The following PIK3R1 variants were observed in gnomAD, a reference collection of about 807,000 sequenced individuals.
PIK3R1 encodes phosphatidylinositol 3-kinase regulatory subunit alpha.
In PIK3R1, 29 loss-of-function variants were observed where a neutral mutation model predicts 98.0. The ratio of observed to expected loss-of-function variants is 0.30; its 90% CI spans 0.22 to 0.40. The LOEUF (loss-of-function observed/expected upper bound fraction) is 0.40, where lower values mean the gene tolerates loss of function less well. Ranked by LOEUF, PIK3R1 falls within the 10% of genes least tolerant of loss-of-function variation. The probability of loss-of-function intolerance (pLI) is 1.00; values close to 1 mark genes in which losing one functional copy is unlikely to be tolerated. For missense variants in PIK3R1, 596 were observed against 872.7 expected, an observed-to-expected ratio of 0.68 and a Z score of 3.99; for synonymous variants, 282 against 311.8, an observed-to-expected ratio of 0.90 and a Z score of 1.01.
At position 68,297,618 on chromosome 5, in the gene PIK3R1, T is replaced by A. The variant is rs755649316; in HGVS notation, c.*17T>A. On this transcript the variant is annotated 3_prime_UTR_variant, in exon 16 of 16. Coordinates refer to ENST00000521381, the MANE Select transcript of PIK3R1 (RefSeq NM_181523.3). ...AGGCGATGAAGCGCTTACTCTTTGATCCTTCTCCTGAAGTTCAGCCACCCT... is the reference window on the plus strand; with the variant it reads ...AGGCGATGAAGCGCTTACTCTTTGAACCTTCTCCTGAAGTTCAGCCACCCT... 7 of 1,609,980 alleles carry A rather than the reference T, an allele frequency of 4.3e-6. No individual in the cohort carries two copies.
intron 1 of PIK3R1, chr5:68,217,651 T>TGTGCGC (rs1554044237): frequency 6.9e-6 from 1 of 144,182 alleles, no homozygotes; most frequent in Non-Finnish European, 1.5e-5. Flanking sequence ...TGTGTGTGTG[T>TGTGCGC]GTGCGCGCGC....
At chr5:68,288,489 C>G (rs1027951862) in intron 7 of PIK3R1, 1 of 1,311,852 alleles carries the variant, frequency 7.6e-7, no homozygotes, top group African/African-American at 1.6e-5. Flanking sequence ...GACGCACTGC[C>G]GGGCGGGGCG....
rs184666887 is a variant in PIK3R1, at chr5:68,240,119, T to C, written c.334+13110T>C. The stretch of plus-strand genomic sequence containing the variant: ...TATATATTACTTATATATAAATGTT[T>C]ATGTATAAATATATATTTGTATATA... On this transcript the variant is annotated intron_variant, in intron 2 of 15. Coordinates refer to ENST00000521381, the MANE Select transcript of PIK3R1 (RefSeq NM_181523.3). Among the ~76,000 whole-genome samples, 359 of 149,780 alleles carry C rather than the reference T, an allele frequency of 2.4e-3. 4 individuals carry two copies. The highest frequency in any genetic ancestry group is 8.4e-3 in the African/African-American group (345 of 41,102).
chr5:68,262,386 T>TATATATATATA (rs576101819), intron 2 of PIK3R1, among the ~76,000 whole-genome samples: 53 of 138,548 alleles, frequency 3.8e-4, no homozygotes, highest in African/African-American at 1.4e-3. Flanking sequence ...TCTATAATTT[T>TATATATATATA]TATATATATA....
rs867348169 is a variant in PIK3R1, at chr5:68,233,710, T to C, written c.334+6701T>C. ...AATTAAAAACAAAACATGGTATACA[T>C]TGTTATATAATGGATAACATAGTGT... is the stretch of plus-strand genomic sequence containing the variant. On this transcript the variant is annotated intron_variant, in intron 2 of 15. Coordinates refer to ENST00000521381, the MANE Select transcript of PIK3R1 (RefSeq NM_181523.3). Among the ~76,000 whole-genome samples, 4 of 152,360 alleles carry C rather than the reference T, an allele frequency of 2.6e-5. No individual in the cohort carries two copies. In the Middle Eastern group the frequency reaches 0.014, roughly 518 times the overall value.
Position 68,253,002 on chromosome 5 carries a change from GTCTGGCTTAGGTAAT to G in PIK3R1, c.335-20385_335-20371del, listed in dbSNP as rs373885134. 9.1e-3 allele frequency among the ~76,000 whole-genome samples: 1,381 copies of G among 152,072 alleles called. 14 individuals carry two copies. The highest frequency in any genetic ancestry group is 0.017 in the Middle Eastern group (5 of 294). On this transcript the variant is annotated intron_variant, in intron 2 of 15. Coordinates refer to ENST00000521381, the MANE Select transcript of PIK3R1 (RefSeq NM_181523.3). ...ACTTGACAGGAAAAATTGACTTTAT[GTCTGGCTTAGGTAAT>G]TCAGGGCAAGTGTGCATTTATTTAC...
chr5:68,261,502 T>TA (rs1745745702), intron 2 of PIK3R1, among the ~76,000 whole-genome samples: 1 of 151,968 alleles, frequency 6.6e-6, no homozygotes. Context: ...CAATACTCTT[T>TA]TAAAAAAAAA....
chr5:68,243,696 C>T (rs1026788658), intron 2 of PIK3R1, among the ~76,000 whole-genome samples: 1 of 152,330 alleles, frequency 6.6e-6, no homozygotes, highest in Non-Finnish European at 1.5e-5. Context: ...AAGACTAGCT[C>T]CCAGCCCAGG....
rs1396834582 is a variant in PIK3R1, at chr5:68,241,659, C to T, written c.334+14650C>T. 4.6e-5 allele frequency among the ~76,000 whole-genome samples: 7 copies of T among 152,172 alleles called. No individual in the cohort carries two copies. The East Asian group carries it at 7.7e-4, about 17-fold the overall frequency. ...AGGCTTAGAAAGAAAAAGAAACTTGCCCAGAGTCCAACACTAGTAGCTGGT... is the reference window on the plus strand; with the variant it reads ...AGGCTTAGAAAGAAAAAGAAACTTGTCCAGAGTCCAACACTAGTAGCTGGT... On this transcript the variant is annotated intron_variant, in intron 2 of 15. Transcript: ENST00000521381.
chr5:68,270,338 G>C (rs1345032608), intron 2 of PIK3R1, among the ~76,000 whole-genome samples: 1 of 152,144 alleles, frequency 6.6e-6, no homozygotes, highest in Non-Finnish European at 1.5e-5. Context: ...AAATCCTTTT[G>C]TATGGAGCAT....
At position 68,301,513 on chromosome 5, in the gene PIK3R1, TAAA is replaced by T; in HGVS notation, c.*3917_*3919del. 6.7e-6 allele frequency: 1 copy of T among 148,954 alleles called. No homozygotes were observed. Among genetic ancestry groups the T allele is most frequent in the Non-Finnish European group, 1.4e-5 (1 of 69,088 alleles). The allele number at this position is 148,954 out of a possible 1,614,324, so 9.2% of individuals were successfully genotyped here. On this transcript the variant is annotated 3_prime_UTR_variant, in exon 16 of 16. Coordinates refer to ENST00000521381, the MANE Select transcript of PIK3R1 (RefSeq NM_181523.3). ...ATATATGCACATATATATATGTATT[TAAA>T]AAAATCAAAACAAAAAAAAACTCAT...
intron 2 of PIK3R1, among the ~76,000 whole-genome samples, chr5:68,237,234 A>G (rs954108740): frequency 1.3e-5 from 2 of 152,244 alleles, no homozygotes; most frequent in Admixed American, 6.5e-5. Context: ...CATAAAAACA[A>G]GAAACCTGAA....
intron 2 of PIK3R1, among the ~76,000 whole-genome samples, chr5:68,252,610 A>C (rs536887517): frequency 9.8e-5 from 15 of 152,350 alleles, no homozygotes; most frequent in African/African-American, 3.1e-4. Context: ...AGTTATTAGA[A>C]GTTCTAATTT....
At chr5:68,245,767 C>T (rs896366211) in intron 2 of PIK3R1, among the ~76,000 whole-genome samples, 1 of 152,248 alleles carries the variant, frequency 6.6e-6, no homozygotes, top group East Asian at 1.9e-4. Flanking sequence ...AATTGTTTAG[C>T]CACAGAAAAT....
intron 2 of PIK3R1, among the ~76,000 whole-genome samples, chr5:68,253,675 TATTA>T (rs1745402170): frequency 6.6e-6 from 1 of 152,192 alleles, no homozygotes; most frequent in Non-Finnish European, 1.5e-5. Flanking sequence ...CAACATGAGC[TATTA>T]ATTAAAAACA....
rs1748023377 is a variant in PIK3R1 at position 68,301,205 on chromosome 5, T to C, written c.*3604T>C. 9.1e-6 allele frequency: 2 copies of C among 219,374 alleles called. No individual in the cohort carries two copies. The highest frequency in any genetic ancestry group is 1.3e-4 in the East Asian group (2 of 14,880). 13.6% of individuals were successfully genotyped at this position (219,374 alleles called of 1,614,324 possible). On this transcript the variant is annotated 3_prime_UTR_variant, in exon 16 of 16. Coordinates refer to ENST00000521381, the MANE Select transcript of PIK3R1 (RefSeq NM_181523.3). ...GACAAAGTTCCAAAATGCCAAATTC[T>C]TATTTTTTAAAAAGCTAGTTCTATA...
Position 68,293,759 on chromosome 5 carries a change from T to A in PIK3R1, c.1350T>A (p.His450Gln). The A allele has an allele frequency of 6.5e-7, 1 of 1,537,294 alleles. No homozygotes were observed. The highest frequency in any genetic ancestry group is 8.9e-7 in the Non-Finnish European group (1 of 1,119,358). The change falls in exon 11 of 16, where the codon CAT (histidine) becomes CAA (glutamine). Residue 450 changes from histidine to glutamine, a missense_variant. Physicochemically the swap from His to Gln is conservative, Grantham distance 24. Around this residue, in one of 3 missense-constraint regions of PIK3R1, gnomAD observed 207 missense variants for 361.4 expected, o/e 0.57. Coordinates refer to ENST00000521381, the MANE Select transcript of PIK3R1 (RefSeq NM_181523.3). ...DNIEAVGKKLHEYNTQFQEKS... is the reference protein window; with the variant it reads ...DNIEAVGKKLQEYNTQFQEKS... ...TTGAAGCTGTAGGGAAAAAATTACATGAATATAACACTCAGTTTCAAGAAA... is the reference window on the plus strand; with the variant it reads ...TTGAAGCTGTAGGGAAAAAATTACAAGAATATAACACTCAGTTTCAAGAAA...
rs559794752 is a variant in PIK3R1 at position 68,292,864 on chromosome 5, A to C, written c.1020-237A>C. On this transcript the variant is annotated intron_variant, in intron 8 of 15. Transcript: ENST00000521381. ...AAGTGATATGCACCTGTTTGTGATG[A>C]GACTGCAATTGCTAACATTTCTATT... 4.0e-6 allele frequency: 3 copies of C among 743,592 alleles called. No homozygotes were observed. In the African/African-American group the frequency reaches 5.3e-5, roughly 13 times the overall value. 46.1% of individuals were successfully genotyped at this position (743,592 alleles called of 1,614,324 possible). A position where few individuals can be genotyped will look rare whatever the true frequency, so the allele number is the denominator to read the frequency against.
chr5:68,230,030 C>T (rs1391711169), intron 2 of PIK3R1, among the ~76,000 whole-genome samples: 6 of 152,232 alleles, frequency 3.9e-5, no homozygotes, highest in Non-Finnish European at 7.3e-5. Flanking sequence ...AATCAAGGCT[C>T]AAGAGCCAGC....
Sources: gnomAD v4.1 joint callset for allele counts (sites outside exome capture counted in the v4.1 genomes callset) on GRCh38, gnomAD v4.1.1 for gene constraint, gnomAD v4.1.1 regional missense constraint, MANE v1.5 for transcripts, NCBI Gene and HGNC (gene_info 2026-07-23, HGNC 2026-07-21) for gene names.